Variants in FGF12 observed in about 807,000 individuals in gnomAD.
FGF12 encodes the protein fibroblast growth factor 12B.
FGF12 carries 14 observed loss-of-function variants against 23.6 expected under a neutral mutation model. The ratio of observed to expected loss-of-function variants is 0.59; its 90% CI spans 0.39 to 0.93. FGF12 has a LOEUF of 0.93. Ranked by LOEUF, FGF12 falls within the 40% of genes least tolerant of loss-of-function variation. FGF12 has a pLI of 0.00. For missense variants in FGF12, 175 were observed against 217.8 expected, an observed-to-expected ratio of 0.80 and a Z score of 1.24; for synonymous variants, 62 against 77.3, an observed-to-expected ratio of 0.80 and a Z score of 1.04.
At chr3:192,429,541 A>G (rs1326306544) in intron 2 of FGF12, among the ~76,000 whole-genome samples, 1 of 152,124 alleles carries the variant, frequency 6.6e-6, no homozygotes, top group African/African-American at 2.4e-5. Context: ...TGCTTTCTAC[A>G]TGCATTACTC....
chr3:192,256,323 C>A (rs80337533), intron 4 of FGF12, among the ~76,000 whole-genome samples: 2,889 of 151,944 alleles, frequency 0.019, 74 homozygotes, highest in African/African-American at 0.055. Context: ...AATTCATTGT[C>A]TTATTGATTT....
chr3:192,494,161 T>C (rs1405288488), intron 2 of FGF12, among the ~76,000 whole-genome samples: 1 of 152,178 alleles, frequency 6.6e-6, no homozygotes, highest in Non-Finnish European at 1.5e-5. Context: ...CAGTCTCCAT[T>C]AGAGCTCAGA....
intron 2 of FGF12, among the ~76,000 whole-genome samples, chr3:192,388,424 G>A (rs1025430056): frequency 1.3e-5 from 2 of 152,078 alleles, no homozygotes; most frequent in African/African-American, 4.8e-5. Flanking sequence ...AATTTCTGAA[G>A]TTATAGAGGT....
At chr3:192,145,596 C>T (rs1009863314) in intron 5 of FGF12, among the ~76,000 whole-genome samples, 3 of 152,162 alleles carry the variant, frequency 2.0e-5, no homozygotes, top group African/African-American at 7.2e-5. Context: ...CTCTGAGTAG[C>T]AGAAAATATA....
intron 2 of FGF12, among the ~76,000 whole-genome samples, chr3:192,497,532 T>C (rs528948110): frequency 6.6e-6 from 1 of 152,336 alleles, no homozygotes; most frequent in South Asian, 2.1e-4. Context: ...CCCAAATATA[T>C]GTCACAGTGT....
intron 4 of FGF12, among the ~76,000 whole-genome samples, chr3:192,221,212 A>G (rs1293786193): frequency 6.6e-6 from 1 of 152,190 alleles, no homozygotes; most frequent in Non-Finnish European, 1.5e-5. Context: ...CACAAGGCTA[A>G]CCCACACACA....
chr3:192,460,702 A>C (rs1019276256), intron 2 of FGF12, among the ~76,000 whole-genome samples: 3 of 149,442 alleles, frequency 2.0e-5, no homozygotes, highest in Non-Finnish European at 4.4e-5. Flanking sequence ...ATATATATAT[A>C]TATCCACTTT....
chr3:192,174,626 C>T (rs113630542), intron 4 of FGF12, among the ~76,000 whole-genome samples: 112 of 151,696 alleles, frequency 7.4e-4, no homozygotes, highest in Middle Eastern at 3.4e-3. Context: ...AGAACCTTTA[C>T]AATATATGTG....
chr3:192,198,485 T>C (rs1717197006), intron 4 of FGF12, among the ~76,000 whole-genome samples: 1 of 152,206 alleles, frequency 6.6e-6, no homozygotes, highest in African/African-American at 2.4e-5. Flanking sequence ...GAAATGCTGC[T>C]TTACCTTTCA....
chr3:192,276,441 G>A (rs1945139155), intron 4 of FGF12, among the ~76,000 whole-genome samples: 1 of 151,622 alleles, frequency 6.6e-6, no homozygotes, highest in Admixed American at 6.6e-5. Context: ...TACTTTTTTG[G>A]TTACAGCTTA....
At chr3:192,159,780 T>C (rs1714760203) in intron 5 of FGF12, among the ~76,000 whole-genome samples, 1 of 152,134 alleles carries the variant, frequency 6.6e-6, no homozygotes, top group African/African-American at 2.4e-5. Context: ...ATTGGTATCC[T>C]GAACATAGAG....
At chr3:192,167,779 T>TAA (rs1560175852) in intron 5 of FGF12, among the ~76,000 whole-genome samples, 5 of 66,888 alleles carry the variant, frequency 7.5e-5, no homozygotes, top group South Asian at 6.6e-4. Flanking sequence ...AAAATTTTTT[T>TAA]TTTTTTTTTT....
intron 4 of FGF12, among the ~76,000 whole-genome samples, chr3:192,305,859 T>G (rs1350641581): frequency 3.1e-5 from 4 of 127,388 alleles, no homozygotes; most frequent in East Asian, 2.2e-4. Context: ...CTCTGGTTTT[T>G]TTTTTTTTTT....
chr3:192,180,300 A>G (rs1716100120), intron 4 of FGF12, among the ~76,000 whole-genome samples: 1 of 152,204 alleles, frequency 6.6e-6, no homozygotes, highest in African/African-American at 2.4e-5. Context: ...GGTGAGGGGT[A>G]TATTATATTA....
intron 2 of FGF12, among the ~76,000 whole-genome samples, chr3:192,579,365 T>G (rs1484223264): frequency 6.6e-6 from 1 of 152,154 alleles, no homozygotes; most frequent in African/African-American, 2.4e-5. Context: ...GATGAAATTG[T>G]GCAGACAACT....
intron 2 of FGF12, among the ~76,000 whole-genome samples, chr3:192,503,964 G>A (rs1279836837): frequency 1.3e-5 from 2 of 151,764 alleles, no homozygotes; most frequent in African/African-American, 2.4e-5. Flanking sequence ...TGGTAGACTG[G>A]ATAAAGAAAA....
At chr3:192,642,885 G>C (rs929376019) in intron 2 of FGF12, among the ~76,000 whole-genome samples, 1 of 152,182 alleles carries the variant, frequency 6.6e-6, no homozygotes, top group African/African-American at 2.4e-5. Context: ...GAGCTTCATG[G>C]GGAGTCCTGC....
chr3:192,385,954 G>T (rs1028548363), intron 2 of FGF12, among the ~76,000 whole-genome samples: 2 of 152,140 alleles, frequency 1.3e-5, no homozygotes, highest in Non-Finnish European at 2.9e-5. Flanking sequence ...CCAGGACAAA[G>T]GCCCCTACCT....
At chr3:192,463,493 C>T (rs1722921629) in intron 2 of FGF12, among the ~76,000 whole-genome samples, 1 of 152,190 alleles carries the variant, frequency 6.6e-6, no homozygotes, top group Non-Finnish European at 1.5e-5. Context: ...TACCTTGTTT[C>T]CATCAACTGG....
Sources: gnomAD v4.1 joint callset for allele counts (sites outside exome capture counted in the v4.1 genomes callset) on GRCh38, gnomAD v4.1.1 for gene constraint, MANE v1.5 for transcripts, NCBI Gene and HGNC (gene_info 2026-07-23, HGNC 2026-07-21) for gene names.